Variants in ACHE observed in about 807,000 individuals in gnomAD.
ACHE encodes acetylcholinesterase (Yt blood group).
Under a neutral mutation model 53.9 loss-of-function variants are expected in ACHE, and 19 were observed. The observed-to-expected ratio is 0.35, with a 90% CI of 0.25 to 0.52. The LOEUF is 0.52. Ranked by LOEUF, ACHE falls within the 20% of genes least tolerant of loss-of-function variation. The probability of loss-of-function intolerance (pLI) is 0.95; values close to 1 mark genes in which losing one functional copy is unlikely to be tolerated. For missense variants in ACHE, 605 were observed against 849.4 expected, an observed-to-expected ratio of 0.71 and a Z score of 3.58; for synonymous variants, 392 against 378.1, an observed-to-expected ratio of 1.04 and a Z score of -0.43.
chr7:100,895,394 G>A (rs1054486000), intron 1 of ACHE, among the ~76,000 whole-genome samples: 1 of 147,872 alleles, frequency 6.8e-6, no homozygotes, highest in Non-Finnish European at 1.5e-5. Context: ...GCCTCGGAGG[G>A]GGCCTCTGCG....
At chr7:100,890,983 AAGAGGAGGAGAAGCTGGT>A in intron 4 of ACHE, 168 bp downstream of exon 4, 1 of 1,460,762 alleles carries the variant, frequency 6.8e-7, no homozygotes, top group East Asian at 2.4e-5. Context: ...GTGGGAGAGG[AAGAGGAGGAGAAGCTGGT>A]GGAGGAGGAG....
chr7:100,890,505 C>G, intron 4 of ACHE, 170 bp from the exon 5 acceptor site: 1 of 1,433,136 alleles, frequency 7.0e-7, no homozygotes, highest in Non-Finnish European at 9.2e-7. Context: ...GTGCGAAAGA[C>G]GAGAGGGAGG....
chr7:100,891,095 G>C, intron 4 of ACHE, 74 bp downstream of exon 4: 1 of 1,545,348 alleles, frequency 6.5e-7, no homozygotes, highest in Non-Finnish European at 8.7e-7. Flanking sequence ...GAGGCTAGGG[G>C]GAGAAGAGAG....
At chr7:100,894,285 G>C (rs1790904058) in intron 1 of ACHE, 33 bp from the exon 2 acceptor site, 1 of 1,390,104 alleles carries the variant, frequency 7.2e-7, no homozygotes, top group Admixed American at 3.2e-5. Context: ...AGGGTGAAGG[G>C]TCGGTCGAGA....
rs1354768852 is a variant in ACHE, at chr7:100,890,533, G to A, written c.1724-198C>T. 1.1e-5 allele frequency: 16 copies of A among 1,419,730 alleles called. No individual in the cohort carries two copies. In the East Asian group the frequency reaches 3.9e-4, roughly 34 times the overall value. The allele number at this position is 1,419,730 out of a possible 1,614,324, so 87.9% of individuals were successfully genotyped here. A position where few individuals can be genotyped will look rare whatever the true frequency, so the allele number is the denominator to read the frequency against. ...GAGGGAGGATGAGGGCAGAGGCGGG[G>A]CCGGAGAAGGACAGCAGGAAGGAGA... On this transcript the variant is annotated intron_variant, in intron 4 of 4. Transcript: ENST00000241069.
intron 1 of ACHE, 81 bp from the exon 2 acceptor site, chr7:100,894,333 G>A: frequency 9.8e-7 from 1 of 1,020,366 alleles, no homozygotes. Flanking sequence ...GTCGGCCCAA[G>A]GGTTATCGCT....
Position 100,892,188 on chromosome 7 carries a change from A to C in ACHE, c.1553+146T>G. The C allele has an allele frequency of 9.7e-7, 1 of 1,029,000 alleles. No homozygotes were observed. The highest frequency in any genetic ancestry group is 3.8e-5 in the South Asian group (1 of 26,180). 63.7% of individuals were successfully genotyped at this position (1,029,000 alleles called of 1,614,324 possible). ...CTCCTTTCTTTTTCTCTCCCCTTTT[A>C]TCTACTTTGTGAGCATATCCCTCTC... On this transcript the variant is annotated intron_variant, in intron 3 of 4. Transcript: ENST00000241069. This position sits in a 1 kb window ranked among gnomAD's most constrained non-coding sequence, Gnocchi z 5.2.
chr7:100,894,952 C>T (rs892231237), intron 1 of ACHE, among the ~76,000 whole-genome samples: 2 of 152,176 alleles, frequency 1.3e-5, no homozygotes, highest in East Asian at 3.9e-4. Context: ...GCCGTGCACG[C>T]CGCCGCCGGC....
chr7:100,890,222 C>G lies in ACHE; in HGVS notation c.1837G>C (p.Asp613His), dbSNP rs1220415220. ...TGGGGGTCCCGCCGGGGTCACAGGT[C>G]TGAGCAGCGATCCTGCTTGCTGTAG... ...DHYSKQDRCS[D>H]L Residue 613 changes from aspartate to histidine, a missense_variant, in exon 5 of 5, where the codon GAC becomes CAC. This residue lies in a region of ACHE where 28 missense variants were observed against 54.8 expected (regional missense o/e 0.51). Coordinates refer to ENST00000241069, the MANE Select transcript of ACHE (RefSeq NM_000665.5). 6.2e-7 allele frequency: 1 copy of G among 1,613,912 alleles called. No individual in the cohort carries two copies. The highest frequency in any genetic ancestry group is 8.5e-7 in the Non-Finnish European group (1 of 1,179,862).
At chr7:100,896,609 C>T (rs1344220632), upstream of ACHE, 1 of 268,238 alleles carries the variant, frequency 3.7e-6, no homozygotes, top group Non-Finnish European at 8.0e-6. Flanking sequence ...AGGCCGCACT[C>T]CGCGGCGGCA....
Position 100,893,556 on chromosome 7 carries a change from G to T in ACHE, c.677C>A (p.Thr226Lys). ...ENVAAFGGDP[T>K]SVTLFGESAG... ...GCTCTCCCCAAACAGCGTCACTGAT[G>T]TCGGGTCACCCCCGAAGGCTGCCAC... The change falls in exon 2 of 5, where the codon ACA becomes AAA. Residue 226 changes from threonine (T) to lysine (K), a missense_variant. By Grantham distance (78) the Thr-to-Lys change is moderately conservative. Around this residue, in one of 4 missense-constraint regions of ACHE, gnomAD observed 397 missense variants for 632.5 expected, o/e 0.63. Transcript: ENST00000241069. The T allele has an allele frequency of 1.9e-6, 3 of 1,611,748 alleles. No individual in the cohort carries two copies. Among genetic ancestry groups the T allele is most frequent in the Non-Finnish European group, 2.5e-6 (3 of 1,180,034 alleles).
chr7:100,896,782 G>C (rs760479384), upstream of ACHE: 14 of 298,396 alleles, frequency 4.7e-5, no homozygotes, highest in Non-Finnish European at 8.6e-5. Context: ...GGCGCCCCCA[G>C]CCTGCTCCGA....
chr7:100,892,510 G>T lies in ACHE; in HGVS notation c.1377C>A (p.Tyr459Ter). ...LAAQGARVYA[Y>*]VFEHRASTLS... Reference sequence around the variant, plus strand: ...GCGTGGAAGCACGGTGTTCAAAGACGTAGGCGTAGACCCGGGCACCCTGGG... The same window carrying T: ...GCGTGGAAGCACGGTGTTCAAAGACTTAGGCGTAGACCCGGGCACCCTGGG... Residue 459 changes from tyrosine (Y) to a stop codon, truncating the protein, a stop_gained, in exon 3 of 5, where the codon TAC becomes TAA. Transcript: ENST00000241069. LOFTEE classifies it high-confidence loss of function. This position sits in a 1 kb window ranked among gnomAD's most constrained non-coding sequence, Gnocchi z 5.2. 1 of 1,602,008 alleles carries T rather than the reference G, an allele frequency of 6.2e-7. No individual in the cohort carries two copies. Among genetic ancestry groups the T allele is most frequent in the Non-Finnish European group, 8.5e-7 (1 of 1,170,832 alleles).
In ACHE at chr7:100,891,275, C is replaced by G. The variant is rs1475799692; in HGVS notation, c.1617G>C (p.Gln539His). ...PQWPPYTAGA[Q>H]QYVSLDLRPL... ...GCCGCAGGTCCAGACTAACGTACTG[C>G]TGAGCCCCCGCCGTGTACGGGGGCC... The change falls in exon 4 of 5, where the codon CAG (glutamine) becomes CAC (histidine). Residue 539 changes from glutamine to histidine, a missense_variant. Transcript: ENST00000241069. 1 of 1,608,788 alleles carries G rather than the reference C, an allele frequency of 6.2e-7. No individual in the cohort carries two copies. Among genetic ancestry groups the G allele is most frequent in the Admixed American group, 1.7e-5 (1 of 59,746 alleles).
At chr7:100,890,808 G>A in intron 4 of ACHE, 3 of 1,359,368 alleles carry the variant, frequency 2.2e-6, no homozygotes, top group South Asian at 4.2e-5. Context: ...TGGGAGGCAC[G>A]GCCCCCTCCT....
At position 100,891,262 on chromosome 7, in the gene ACHE, G is replaced by C; in HGVS notation, c.1630C>G (p.Leu544Val). The change falls in exon 4 of 5, where the codon CTG becomes GTG. Residue 544 changes from leucine to valine, a missense_variant. Leu to Val is a conservative substitution (Grantham distance 32, BLOSUM62 1). Around this residue, in one of 4 missense-constraint regions of ACHE, gnomAD observed 91 missense variants for 83.2 expected, o/e 1.09. Coordinates refer to ENST00000241069, the MANE Select transcript of ACHE (RefSeq NM_000665.5). ...CGCACCTCCAGCGGCCGCAGGTCCA[G>C]ACTAACGTACTGCTGAGCCCCCGCC... ...YTAGAQQYVS[L>V]DLRPLEVRRG... The C allele has an allele frequency of 6.2e-7, 1 of 1,611,120 alleles. No individual in the cohort carries two copies. The highest frequency in any genetic ancestry group is 8.5e-7 in the Non-Finnish European group (1 of 1,179,642).
rs760848756 is a variant in ACHE, at chr7:100,893,948, G to T, written c.285C>A (p.Thr95=). Reference sequence around the variant, plus strand: ...CATATTGGTAGCAGACACTCTGGAAGGTTGTAGCGTCTACCACCCCTGACC... The same window carrying T: ...CATATTGGTAGCAGACACTCTGGAATGTTGTAGCGTCTACCACCCCTGACC... The part of the protein sequence containing the change: ...QPWSGVVDAT[T]FQSVCYQYVD... The change falls in exon 2 of 5, where the codon ACC becomes ACA. Residue 95 remains threonine (T), a synonymous_variant. Transcript: ENST00000241069. 11 of 1,608,174 alleles carry T rather than the reference G, an allele frequency of 6.8e-6. No homozygotes were observed. In the South Asian group the frequency reaches 1.2e-4, roughly 18 times the overall value.
intron 2 of ACHE, 145 bp downstream of exon 2, chr7:100,893,020 A>G (rs1790794848): frequency 8.5e-7 from 1 of 1,180,576 alleles, no homozygotes; most frequent in Admixed American, 2.5e-5. Context: ...CCTGCTGACC[A>G]CCCTGGGATC....
intron 4 of ACHE, 32 bp from the exon 5 acceptor site, chr7:100,890,367 G>T: frequency 6.3e-7 from 1 of 1,594,136 alleles, no homozygotes; most frequent in South Asian, 1.1e-5. Flanking sequence ...AGGCGGGAGG[G>T]GAGGACGGCA....
Sources: allele counts gnomAD v4.1 joint callset (sites outside exome capture counted in the v4.1 genomes callset), GRCh38; gene constraint gnomAD v4.1.1; regional missense constraint gnomAD v4.1.1; non-coding constraint Gnocchi (gnomAD v3.1); transcripts MANE v1.5; gene names NCBI Gene and HGNC (gene_info 2026-07-23, HGNC 2026-07-21).